DENND4C: variants seen among roughly 807,000 people sequenced by gnomAD.
DENND4C encodes DENN domain containing 4C.
In DENND4C, 108 loss-of-function variants were observed where a neutral mutation model predicts 203.0. That is an observed-to-expected ratio of 0.53 (90% confidence interval 0.46 to 0.62). The LOEUF is 0.62. Ranked by LOEUF, DENND4C falls within the 20% of genes least tolerant of loss-of-function variation. DENND4C has a pLI of 0.00. For missense variants in DENND4C, 2,481 were observed against 2,301.2 expected (o/e 1.08, Z -1.60); for synonymous variants, 871 against 792.4 (o/e 1.10, Z -1.67).
At chr9:19,270,635 T>G (rs1310135737) in intron 1 of DENND4C, among the ~76,000 whole-genome samples, 1 of 152,234 alleles carries the variant, frequency 6.6e-6, no homozygotes, top group Non-Finnish European at 1.5e-5. Context: ...TTTTGGCTAT[T>G]GTGAATAGTG....
intron 24 of DENND4C, among the ~76,000 whole-genome samples, chr9:19,351,604 C>G (rs562453198): frequency 7.2e-5 from 11 of 152,098 alleles, no homozygotes; most frequent in Non-Finnish European, 1.0e-4. Flanking sequence ...CTCAGGAGTT[C>G]AAGACCAGCC....
chr9:19,366,840 G>C (rs1827785289), intron 30 of DENND4C, among the ~76,000 whole-genome samples: 1 of 152,068 alleles, frequency 6.6e-6, no homozygotes, highest in Non-Finnish European at 1.5e-5. Flanking sequence ...ATCAACAAAA[G>C]AAAAAGTAGA....
At chr9:19,244,792 T>G (rs1824731942) in intron 1 of DENND4C, among the ~76,000 whole-genome samples, 1 of 151,976 alleles carries the variant, frequency 6.6e-6, no homozygotes, top group Non-Finnish European at 1.5e-5. Context: ...CACCTTTAAC[T>G]TTATGTATAA....
chr9:19,306,863 C>CT (rs1400270825), intron 10 of DENND4C, among the ~76,000 whole-genome samples: 2 of 151,954 alleles, frequency 1.3e-5, no homozygotes, highest in Non-Finnish European at 2.9e-5. Context: ...TCTCTGCAGT[C>CT]TCCGCCTCCT....
chr9:19,318,971 C>A (rs1442476800), intron 12 of DENND4C, among the ~76,000 whole-genome samples: 1 of 151,956 alleles, frequency 6.6e-6, no homozygotes, highest in East Asian at 1.9e-4. Flanking sequence ...GAGTTTGAGA[C>A]CAGTCTGGCC....
intron 17 of DENND4C, among the ~76,000 whole-genome samples, chr9:19,334,108 A>C (rs1819884865): frequency 6.6e-6 from 1 of 152,108 alleles, no homozygotes; most frequent in South Asian, 2.1e-4. Context: ...GCAGTGGCGC[A>C]GTCTTGGCTC....
intron 1 of DENND4C, among the ~76,000 whole-genome samples, chr9:19,263,557 C>A (rs925451281): frequency 6.6e-6 from 1 of 151,664 alleles, no homozygotes; most frequent in Non-Finnish European, 1.5e-5. Context: ...CAAGGTTTCA[C>A]CCTGTTGGCC....
chr9:19,316,662 C>T lies in DENND4C; in HGVS notation c.1630C>T (p.Pro544Ser). ...AGAAGGCTCAGCGATTGACATGACT[C>T]CAATTGAAGCAGATTTCTCCTGGCA... ...TQEGSAIDMT[P>S]IEADFSWQKK... The change falls in exon 12 of 33, where the codon CCA becomes TCA. Residue 544 changes from proline (P) to serine (S), a missense_variant. Around this residue, in one of 3 missense-constraint regions of DENND4C, gnomAD observed 2,289 missense variants for 2,113.3 expected, o/e 1.08. Transcript: ENST00000434457. The T allele has an allele frequency of 6.2e-7, 1 of 1,614,040 alleles. No homozygotes were observed. Among genetic ancestry groups the T allele is most frequent in the Non-Finnish European group, 8.5e-7 (1 of 1,180,002 alleles).
chr9:19,317,095 T>C lies in DENND4C; in HGVS notation c.1807+256T>C, dbSNP rs1001955780. Among the ~76,000 whole-genome samples the C allele has an allele frequency of 3.9e-5, 6 of 152,238 alleles. No individual in the cohort carries two copies. The South Asian group carries it at 8.3e-4, about 21-fold the overall frequency. ...AGATGTTACCTATATTTACAATATCTTGTAGTCAGTTATTTTAGTAGAACA... is the reference window on the plus strand; with the variant it reads ...AGATGTTACCTATATTTACAATATCCTGTAGTCAGTTATTTTAGTAGAACA... On this transcript the variant is annotated intron_variant, in intron 12 of 32. Coordinates refer to ENST00000434457, the MANE Select transcript of DENND4C (RefSeq NM_001330640.2).
At chr9:19,301,049 A>G (rs1334547438) in intron 9 of DENND4C, among the ~76,000 whole-genome samples, 1 of 152,102 alleles carries the variant, frequency 6.6e-6, no homozygotes, top group African/African-American at 2.4e-5. Context: ...GTGGTGGCAC[A>G]TGCCTATAAT....
At chr9:19,309,703 C>A (rs2131442164) in intron 10 of DENND4C, among the ~76,000 whole-genome samples, 1 of 151,644 alleles carries the variant, frequency 6.6e-6, no homozygotes, top group South Asian at 2.1e-4. Context: ...CACAAAATTA[C>A]ATTGGGATTT....
chr9:19,312,523 GAC>G (rs908877887), intron 10 of DENND4C, among the ~76,000 whole-genome samples: 5 of 152,306 alleles, frequency 3.3e-5, no homozygotes, highest in South Asian at 2.1e-4. Flanking sequence ...TTGGAATAAA[GAC>G]ACATTAAAAT....
rs77221419 is a variant in DENND4C, at chr9:19,318,606, T to A, written c.1807+1767T>A. On this transcript the variant is annotated intron_variant, in intron 12 of 32. Coordinates refer to ENST00000434457, the MANE Select transcript of DENND4C (RefSeq NM_001330640.2). Reference sequence around the variant, plus strand: ...GTGGCTTAAACAACAGAAATTATTTTCTCGTGGTTTTGGAGGTTAAACTGA... The same window carrying A: ...GTGGCTTAAACAACAGAAATTATTTACTCGTGGTTTTGGAGGTTAAACTGA... Among the ~76,000 whole-genome samples, 70 of 152,354 alleles carry A rather than the reference T, an allele frequency of 4.6e-4. No individual in the cohort carries two copies. In the East Asian group the frequency reaches 0.012, roughly 27 times the overall value.
chr9:19,257,416 C>G (rs1828267393), intron 1 of DENND4C, among the ~76,000 whole-genome samples: 1 of 151,010 alleles, frequency 6.6e-6, no homozygotes, highest in African/African-American at 2.4e-5. Context: ...TAAAACATTG[C>G]TTAGGAAATG....
chr9:19,328,351 C>T (rs1003308456), intron 16 of DENND4C, among the ~76,000 whole-genome samples, 189 bp downstream of exon 16: 5 of 152,192 alleles, frequency 3.3e-5, no homozygotes, highest in South Asian at 4.1e-4. Context: ...TGGTGGCTCA[C>T]GCCTGTATCC....
At chr9:19,311,758 C>G (rs1327979371) in intron 10 of DENND4C, among the ~76,000 whole-genome samples, 1 of 151,786 alleles carries the variant, frequency 6.6e-6, no homozygotes, top group Admixed American at 6.6e-5. Context: ...AAAAAAAATT[C>G]AAAATGAAAT....
At position 19,341,115 on chromosome 9, in the gene DENND4C, G is replaced by GT. The variant is rs766694833; in HGVS notation, c.3004+3dup. 1 of 1,604,160 alleles carries GT rather than the reference G, an allele frequency of 6.2e-7. No individual in the cohort carries two copies. Among genetic ancestry groups the GT allele is most frequent in the African/African-American group, 1.3e-5 (1 of 74,276 alleles). On this transcript the variant is annotated splice_donor_variant, in intron 21 of 32. Transcript: ENST00000434457. LOFTEE classifies it high-confidence loss of function. ...ACTAAAACAAAAATGCAAACAGAAG[G>GT]TTAAGTACTGATATTTACGAACTTT...
At chr9:19,302,397 T>G (rs1838770724) in intron 9 of DENND4C, among the ~76,000 whole-genome samples, 1 of 152,236 alleles carries the variant, frequency 6.6e-6, no homozygotes, top group South Asian at 2.1e-4. Context: ...TTTGCTAGCA[T>G]ATAGCTTTTT....
Position 19,372,977 on chromosome 9 carries a change from T to C in DENND4C, c.*804T>C, listed in dbSNP as rs1315790365. ...TAAGTGTATATTTATTAAAATAGAT[T>C]GCATGTTGCAATACGGTTTTCTGAA... On this transcript the variant is annotated 3_prime_UTR_variant, in exon 33 of 33. Transcript: ENST00000434457. 6.6e-6 allele frequency: 1 copy of C among 152,176 alleles called. No homozygotes were observed. The highest frequency in any genetic ancestry group is 1.5e-5 in the Non-Finnish European group (1 of 68,040). 9.4% of individuals were successfully genotyped at this position (152,176 alleles called of 1,614,324 possible).
Sources: allele counts gnomAD v4.1 joint callset (sites outside exome capture counted in the v4.1 genomes callset), GRCh38; gene constraint gnomAD v4.1.1; regional missense constraint gnomAD v4.1.1; transcripts MANE v1.5; gene names NCBI Gene and HGNC (gene_info 2026-07-23, HGNC 2026-07-21).